Variants in FARP2 observed in about 807,000 individuals in gnomAD.
The protein encoded by FARP2 is FERM, ARH/RhoGEF and pleckstrin domain protein 2, also known as FERM, ARHGEF and pleckstrin domain-containing protein 2.
In FARP2, 111 loss-of-function variants were observed where a neutral mutation model predicts 130.5. The observed-to-expected ratio is 0.85, with a 90% CI of 0.73 to 1.00. The LOEUF is 1.00. Among genes scored for constraint, FARP2 ranks in the 50% least tolerant of loss-of-function variants. The pLI, the probability that FARP2 is intolerant of heterozygous loss-of-function variation, is 0.00. For missense variants in FARP2, 1,385 were observed against 1,346.3 expected, an observed-to-expected ratio of 1.03 and a Z score of -0.45; for synonymous variants, 504 against 516.9, an observed-to-expected ratio of 0.98 and a Z score of 0.34.
intron 17 of FARP2, chr2:241,465,579 T>G: frequency 1.3e-6 from 2 of 1,550,628 alleles, no homozygotes; most frequent in Non-Finnish European, 1.7e-6. Context: ...ACGGTACAGG[T>G]GTTCACATGT....
intron 8 of FARP2, among the ~76,000 whole-genome samples, chr2:241,423,733 A>G (rs10208916): frequency 0.021 from 3,163 of 152,352 alleles, 119 homozygotes; most frequent in African/African-American, 0.073. Context: ...ACGTGCAAAG[A>G]CACACATAGA....
intron 21 of FARP2, 51 bp from the exon 22 acceptor site, chr2:241,489,911 C>A: frequency 7.8e-7 from 1 of 1,275,416 alleles, no homozygotes; most frequent in Non-Finnish European, 1.1e-6. Flanking sequence ...CAGGCTTAGG[C>A]TGTCAGTTCC....
At position 241,411,098 on chromosome 2, in the gene FARP2, C is replaced by T; in HGVS notation, c.476C>T (p.Thr159Ile). Reference sequence around the variant, plus strand: ...GAGCGTTTGACCTGTGCTGACACCACAGCGGCCCTTCTCACGTCCCATCTC... The same window carrying T: ...GAGCGTTTGACCTGTGCTGACACCATAGCGGCCCTTCTCACGTCCCATCTC... ...LEERLTCADT[T>I]AALLTSHLLQ... is the part of the protein sequence containing the mutation. Residue 159 changes from threonine to isoleucine, a missense_variant, in exon 6 of 27, where the codon ACA becomes ATA. Coordinates refer to ENST00000264042, the MANE Select transcript of FARP2 (RefSeq NM_014808.4). The T allele has an allele frequency of 6.2e-7, 1 of 1,612,078 alleles. No homozygotes were observed. The highest frequency in any genetic ancestry group is 8.5e-7 in the Non-Finnish European group (1 of 1,178,954).
intron 14 of FARP2, among the ~76,000 whole-genome samples, chr2:241,457,910 G>T (rs1023777913): frequency 3.3e-5 from 5 of 152,160 alleles, no homozygotes; most frequent in African/African-American, 1.2e-4. Flanking sequence ...GGGGAGGGGG[G>T]CACATGGGCC....
chr2:241,427,638 G>A (rs929449686), intron 8 of FARP2, among the ~76,000 whole-genome samples: 8 of 152,290 alleles, frequency 5.3e-5, no homozygotes, highest in Middle Eastern at 3.4e-3. Context: ...AGAGACAGCT[G>A]TAGAAATTTC....
intron 24 of FARP2, 89 bp from the exon 25 acceptor site, chr2:241,492,840 T>G: frequency 1.3e-6 from 1 of 742,808 alleles, no homozygotes. Context: ...GGAGAAAGCA[T>G]GCAGAGGCTT....
At chr2:241,462,782 T>C (rs908434799) in intron 15 of FARP2, among the ~76,000 whole-genome samples, 170 bp downstream of exon 15, 4 of 152,146 alleles carry the variant, frequency 2.6e-5, no homozygotes, top group Non-Finnish European at 5.9e-5. Context: ...CTCCGCCTTC[T>C]GGGTTCAAGT....
intron 2 of FARP2, among the ~76,000 whole-genome samples, chr2:241,378,593 G>T (rs554126598): frequency 6.6e-6 from 1 of 151,780 alleles, no homozygotes; most frequent in Non-Finnish European, 1.5e-5. Context: ...TTAAATTTTT[G>T]TAGAGATGGG....
rs971023294 is a variant in FARP2, at chr2:241,441,541, C to T, written c.1396C>T (p.Leu466Phe). 7.4e-5 allele frequency: 119 copies of T among 1,613,982 alleles called. No homozygotes were observed. Among genetic ancestry groups the T allele is most frequent in the Middle Eastern group, 3.3e-4 (2 of 6,084 alleles). The change falls in exon 13 of 27, where the codon CTC (leucine) becomes TTC (phenylalanine). Residue 466 changes from leucine (L) to phenylalanine (F), a missense_variant. Transcript: ENST00000264042. ...GGCCCAGCCCCTCGGGCCCCCCGCA[C>T]TCCAGCCTGGTCCAGGTGTCGGGTT... Reference protein sequence around the residue: ...PSAQPLGPPALQPGPGLSTKS... With the variant: ...PSAQPLGPPAFQPGPGLSTKS...
intron 2 of FARP2, among the ~76,000 whole-genome samples, chr2:241,387,529 C>T (rs2061813397): frequency 6.6e-6 from 1 of 152,142 alleles, no homozygotes; most frequent in Admixed American, 6.5e-5. Context: ...CGCAGTGGCT[C>T]ATGCCTGTAA....
intron 1 of FARP2, among the ~76,000 whole-genome samples, chr2:241,359,246 G>C (rs913520611): frequency 6.6e-6 from 1 of 152,142 alleles, no homozygotes; most frequent in Non-Finnish European, 1.5e-5. Context: ...CTAAACTGGT[G>C]TTTTAGCTTA....
chr2:241,471,632 G>T (rs1268357720), intron 18 of FARP2, among the ~76,000 whole-genome samples: 5 of 151,496 alleles, frequency 3.3e-5, no homozygotes, highest in African/African-American at 9.7e-5. Context: ...TAGCTGGGAC[G>T]ACAGGCGCCC....
intron 8 of FARP2, among the ~76,000 whole-genome samples, chr2:241,422,853 G>A (rs1340747652): frequency 6.6e-6 from 1 of 152,116 alleles, no homozygotes; most frequent in Non-Finnish European, 1.5e-5. Context: ...AGGCCAAGCA[G>A]AGGAAAGAAT....
intron 2 of FARP2, among the ~76,000 whole-genome samples, chr2:241,384,112 C>T (rs538164920): frequency 6.6e-6 from 1 of 151,686 alleles, no homozygotes; most frequent in Non-Finnish European, 1.5e-5. Flanking sequence ...TAGTGGAAGC[C>T]TTTGGGTGAC....
intron 26 of FARP2, 46 bp from the exon 27 acceptor site, chr2:241,493,962 T>C: frequency 8.2e-7 from 1 of 1,214,230 alleles, no homozygotes; most frequent in Non-Finnish European, 1.1e-6. Context: ...GGACAGTGTC[T>C]GAGCACAAGA....
intron 2 of FARP2, chr2:241,387,051 G>A (rs1181884525): frequency 6.6e-6 from 1 of 152,178 alleles, no homozygotes; most frequent in Non-Finnish European, 1.5e-5. Context: ...TTTGAAATAT[G>A]TTTCTTATAT....
chr2:241,442,732 C>A, intron 13 of FARP2: 1 of 337,718 alleles, frequency 3.0e-6, no homozygotes, highest in Non-Finnish European at 5.8e-6. Flanking sequence ...AAAGCTATGC[C>A]TCCGGTCTTA....
Position 241,431,687 on chromosome 2 carries a change from C to T in FARP2, c.780C>T (p.Thr260=). 1.3e-6 allele frequency: 2 copies of T among 1,583,144 alleles called. No homozygotes were observed. Among genetic ancestry groups the T allele is most frequent in the Non-Finnish European group, 1.7e-6 (2 of 1,155,604 alleles). The change falls in exon 9 of 27, where the codon ACC becomes ACT. Residue 260 remains threonine, a synonymous_variant. Transcript: ENST00000264042. The part of the protein sequence containing the change: ...HMGVLVFQGT[T]KINTFNWSKV... ...TGTCTCTTGCATTTCAGGGCACCAC[C>T]AAAATCAACACTTTCAACTGGTCCA...
At chr2:241,414,523 G>T (rs1043026438) in intron 7 of FARP2, among the ~76,000 whole-genome samples, 2 of 152,214 alleles carry the variant, frequency 1.3e-5, no homozygotes, top group African/African-American at 4.8e-5. Flanking sequence ...TGCCAGCTAT[G>T]CATCCACCAC....
Sources: allele counts gnomAD v4.1 joint callset (sites outside exome capture counted in the v4.1 genomes callset), GRCh38; gene constraint gnomAD v4.1.1; transcripts MANE v1.5; gene names NCBI Gene and HGNC (gene_info 2026-07-23, HGNC 2026-07-21).